REV1: variants seen among roughly 807,000 people sequenced by gnomAD.
REV1 encodes the protein REV1 DNA directed polymerase.
Under a neutral mutation model 137.4 loss-of-function variants are expected in REV1, and 42 were observed. The ratio of observed to expected loss-of-function variants is 0.31; its 90% CI spans 0.24 to 0.40. REV1 has a LOEUF of 0.40. Among genes scored for constraint, REV1 ranks in the 10% least tolerant of loss-of-function variants. REV1 has a pLI of 1.00. For missense variants in REV1, 1,282 were observed against 1,490.1 expected, an observed-to-expected ratio of 0.86 and a Z score of 2.30; for synonymous variants, 524 against 519.2, an observed-to-expected ratio of 1.01 and a Z score of -0.12.
At chr2:99,441,478 A>G (rs1181647427) in intron 5 of REV1, among the ~76,000 whole-genome samples, 2 of 152,082 alleles carry the variant, frequency 1.3e-5, no homozygotes, top group Non-Finnish European at 2.9e-5. Flanking sequence ...AAAAAAAAAA[A>G]GCAGCCACAT....
chr2:99,482,036 T>C (rs1686660895), intron 1 of REV1, among the ~76,000 whole-genome samples: 1 of 152,156 alleles, frequency 6.6e-6, no homozygotes, highest in African/African-American at 2.4e-5. Flanking sequence ...AGTTTCAGGA[T>C]GGGGCCTGGC....
At chr2:99,488,564 C>T (rs569830335) in intron 1 of REV1, among the ~76,000 whole-genome samples, 1 of 49,748 alleles carries the variant, frequency 2.0e-5, no homozygotes, top group African/African-American at 6.7e-5. Context: ...GCCTTGTATA[C>T]TGGAGAATGA....
intron 8 of REV1, chr2:99,431,703 G>T: frequency 2.0e-6 from 2 of 985,050 alleles, no homozygotes; most frequent in Non-Finnish European, 2.4e-6. Context: ...GGCCTGAGAG[G>T]CAGCACCATC....
chr2:99,489,710 G>A (rs1687502231), intron 1 of REV1, 107 bp downstream of exon 1: 1 of 148,988 alleles, frequency 6.7e-6, no homozygotes. Context: ...CGCCACCTCA[G>A]GCCGACCGCG....
intron 11 of REV1, 56 bp downstream of exon 11, chr2:99,421,443 G>A: frequency 6.7e-7 from 1 of 1,499,128 alleles, no homozygotes; most frequent in South Asian, 1.3e-5. Context: ...AAAATTAACT[G>A]ATATTCAAGA....
Position 99,473,378 on chromosome 2 carries a change from AAGAAAAG to A in REV1, c.-10-8400_-10-8394del, listed in dbSNP as rs1685628820. ...GCGAGACTGTCTCAAAAAAAAAAAA[AAGAAAAG>A]AAAAGAAAAGAAAAAAGAAAAAAAT... On this transcript the variant is annotated intron_variant, in intron 1 of 22. Transcript: ENST00000258428. 2.6e-5 allele frequency among the ~76,000 whole-genome samples: 3 copies of A among 115,176 alleles called. 1 individual carries two copies. The highest frequency in any genetic ancestry group is 9.5e-3 in the Middle Eastern group (2 of 210). The allele number at this position is 115,176 out of a possible 152,430, so 75.6% of individuals were successfully genotyped here.
intron 1 of REV1, among the ~76,000 whole-genome samples, chr2:99,489,007 T>A (rs533146681): frequency 9.2e-5 from 14 of 152,338 alleles, no homozygotes; most frequent in African/African-American, 2.9e-4. Flanking sequence ...CTGCAATTTA[T>A]CTTACGGAGG....
chr2:99,442,472 G>A lies in REV1; in HGVS notation c.351-3C>T, dbSNP rs763282091. Reference sequence around the variant, plus strand: ...AGAGGAGTCGTCCAGCTTTGATGCTGAAACAAAAAGCAACACCAATTTAGA... The same window carrying A: ...AGAGGAGTCGTCCAGCTTTGATGCTAAAACAAAAAGCAACACCAATTTAGA... On this transcript the variant is annotated splice_region_variant and splice_polypyrimidine_tract_variant and intron_variant, in intron 4 of 22. Transcript: ENST00000258428. 23 of 1,609,434 alleles carry A rather than the reference G, an allele frequency of 1.4e-5. No homozygotes were observed. The highest frequency in any genetic ancestry group is 1.8e-5 in the Non-Finnish European group (21 of 1,178,640).
chr2:99,403,851 C>G, intron 18 of REV1, 36 bp from the exon 19 acceptor site: 1 of 1,609,772 alleles, frequency 6.2e-7, no homozygotes. Context: ...CAAACCTGAG[C>G]TAATTGTAGA....
At chr2:99,420,720 G>A (rs923003056) in intron 11 of REV1, among the ~76,000 whole-genome samples, 5 of 152,174 alleles carry the variant, frequency 3.3e-5, no homozygotes, top group Non-Finnish European at 7.3e-5. Context: ...GGGAACTTTG[G>A]AAGAAGAAGG....
At chr2:99,453,687 G>T (rs1339217996) in intron 3 of REV1, among the ~76,000 whole-genome samples, 1 of 151,750 alleles carries the variant, frequency 6.6e-6, no homozygotes, top group African/African-American at 2.4e-5. Flanking sequence ...AAGGTCAGGA[G>T]TTCGAGACCA....
intron 1 of REV1, among the ~76,000 whole-genome samples, chr2:99,479,733 A>G (rs1275997531): frequency 2.0e-5 from 3 of 151,888 alleles, no homozygotes; most frequent in Non-Finnish European, 4.4e-5. Flanking sequence ...GGCTGCAGTG[A>G]ACCACTGCAC....
chr2:99,451,743 A>G (rs1045624992), intron 3 of REV1, among the ~76,000 whole-genome samples: 4 of 151,880 alleles, frequency 2.6e-5, no homozygotes, highest in Non-Finnish European at 4.4e-5. Context: ...AGTAATGTAT[A>G]TGACCTCAGG....
chr2:99,403,051 G>GTTTCT lies in REV1; in HGVS notation c.3217_3221dup (p.Asn1074LysfsTer19). On this transcript the variant is annotated frameshift_variant, in exon 20 of 23. Transcript: ENST00000258428. LOFTEE classifies it high-confidence loss of function. ...GTGAACCAATGGTTTTTTTCTTCTT[G>GTTTCT]TTTCTTTTCTTTTCTTTCACTGCTG... is the stretch of plus-strand genomic sequence containing the variant. The GTTTCT allele has an allele frequency of 6.2e-7, 1 of 1,612,324 alleles. No homozygotes were observed. The highest frequency in any genetic ancestry group is 8.5e-7 in the Non-Finnish European group (1 of 1,178,840).
rs1461320514 is a variant in REV1 at position 99,438,903 on chromosome 2, T to A, written c.911A>T (p.His304Leu). The change falls in exon 6 of 23, where the codon CAC (histidine) becomes CTC (leucine). Residue 304 changes from histidine to leucine, a missense_variant. Around this residue, in one of 7 missense-constraint regions of REV1, gnomAD observed 432 missense variants for 438.0 expected, o/e 0.99. Transcript: ENST00000258428. ...AGCACCATTGATTTTAGTGTTACTG[T>A]GCAAAGGTGATAATGAGAAAGAATT... ...RTNSFSLSPLHSNTKINGAHH... is the reference protein window; with the variant it reads ...RTNSFSLSPLLSNTKINGAHH... The A allele has an allele frequency of 6.2e-7, 1 of 1,614,200 alleles. No individual in the cohort carries two copies. Among genetic ancestry groups the A allele is most frequent in the East Asian group, 2.2e-5 (1 of 44,884 alleles).
intron 1 of REV1, among the ~76,000 whole-genome samples, chr2:99,487,046 T>C (rs990118513): frequency 6.6e-6 from 1 of 152,168 alleles, no homozygotes; most frequent in Admixed American, 6.5e-5. Context: ...GCGATGACAT[T>C]TGAGCAGAAA....
chr2:99,414,553 CA>C (rs918615347), intron 12 of REV1, among the ~76,000 whole-genome samples: 82 of 152,194 alleles, frequency 5.4e-4, no homozygotes, highest in African/African-American at 1.8e-3. Flanking sequence ...AGGAGAAACA[CA>C]AGGGAATAGA....
intron 4 of REV1, 85 bp from the exon 5 acceptor site, chr2:99,442,554 C>G (rs897697959): frequency 7.2e-6 from 9 of 1,247,216 alleles, no homozygotes; most frequent in African/African-American, 3.0e-5. Flanking sequence ...CTTAAAGATA[C>G]AGTATTTCAC....
rs180772331 is a variant in REV1 at position 99,423,413 on chromosome 2, C to T, written c.1676+739G>A. Among the ~76,000 whole-genome samples the T allele has an allele frequency of 4.6e-5, 7 of 152,274 alleles. No individual in the cohort carries two copies. The East Asian group carries it at 1.4e-3, about 29-fold the overall frequency. ...CACCAAGCCCATTCATATACATTCC[C>T]CGTGGCTGCTTTCCATTCACAACGC... is the stretch of plus-strand genomic sequence containing the variant. On this transcript the variant is annotated intron_variant, in intron 10 of 22. Coordinates refer to ENST00000258428, the MANE Select transcript of REV1 (RefSeq NM_016316.4).
Sources: gnomAD v4.1 joint callset for allele counts (sites outside exome capture counted in the v4.1 genomes callset) on GRCh38, gnomAD v4.1.1 for gene constraint, gnomAD v4.1.1 regional missense constraint, MANE v1.5 for transcripts, NCBI Gene and HGNC (gene_info 2026-07-23, HGNC 2026-07-21) for gene names.